DAP3: variants seen among roughly 807,000 people sequenced by gnomAD.
The protein encoded by DAP3 is small ribosomal subunit protein mS29.
DAP3 carries 28 observed loss-of-function variants against 51.9 expected under a neutral mutation model. The ratio of observed to expected loss-of-function variants is 0.54; its 90% CI spans 0.40 to 0.74. The LOEUF is 0.74. DAP3 is among the 30% of genes least tolerant of loss of function. DAP3 has a pLI of 0.00. For synonymous variants in DAP3, 170 were observed against 170.3 expected, an observed-to-expected ratio of 1.00 and a Z score of 0.01; for missense variants, 458 against 483.5, an observed-to-expected ratio of 0.95 and a Z score of 0.49.
At chr1:155,709,933 A>C in intron 2 of DAP3, 109 bp downstream of exon 2, 1 of 972,036 alleles carries the variant, frequency 1.0e-6, no homozygotes, top group Non-Finnish European at 1.6e-6. Flanking sequence ...GGAAAACTTC[A>C]TATGTAACAG....
At chr1:155,700,490 G>C (rs1048910405) in intron 1 of DAP3, among the ~76,000 whole-genome samples, 1 of 147,740 alleles carries the variant, frequency 6.8e-6, no homozygotes, top group African/African-American at 2.6e-5. Flanking sequence ...TTTCTCTGTA[G>C]AAAATTAGAA....
chr1:155,688,730 C>T (rs1653143442), upstream of DAP3: 7 of 1,518,770 alleles, frequency 4.6e-6, no homozygotes, highest in Non-Finnish European at 6.1e-6. Flanking sequence ...CCCGCACGGC[C>T]ACCAACCGCC....
chr1:155,726,156 C>A (rs1265482468), intron 6 of DAP3, 137 bp downstream of exon 6: 3 of 720,882 alleles, frequency 4.2e-6, no homozygotes, highest in Non-Finnish European at 6.5e-6. Flanking sequence ...TCTTGTCGGC[C>A]AGTCTGGAGT....
chr1:155,722,361 T>G (rs1047346609), intron 4 of DAP3, among the ~76,000 whole-genome samples: 14 of 151,964 alleles, frequency 9.2e-5, no homozygotes, highest in African/African-American at 3.4e-4. Context: ...GAGCCATGAT[T>G]GCACCACTGT....
intron 4 of DAP3, among the ~76,000 whole-genome samples, chr1:155,723,474 G>A (rs1571531654): frequency 6.6e-6 from 1 of 152,086 alleles, no homozygotes; most frequent in South Asian, 2.1e-4. Flanking sequence ...GATTACAGGT[G>A]CTCGCCACCA....
chr1:155,711,172 A>G (rs1012155621), intron 2 of DAP3, among the ~76,000 whole-genome samples: 1 of 152,114 alleles, frequency 6.6e-6, no homozygotes, highest in Non-Finnish European at 1.5e-5. Flanking sequence ...TCTGGACTCA[A>G]CTGATCATAT....
intron 1 of DAP3, among the ~76,000 whole-genome samples, chr1:155,693,813 T>C (rs1234822662): frequency 7.1e-6 from 1 of 141,018 alleles, no homozygotes; most frequent in Non-Finnish European, 1.5e-5. Flanking sequence ...AATACAAAAT[T>C]AGCAGGGTGT....
At chr1:155,737,194 C>G in intron 12 of DAP3, 131 bp downstream of exon 12, 1 of 712,334 alleles carries the variant, frequency 1.4e-6, no homozygotes, top group Non-Finnish European at 2.4e-6. Context: ...TGACTTCTTT[C>G]TGGCTGATAA....
Position 155,738,329 on chromosome 1 carries a change from A to G in DAP3, c.*87A>G, listed in dbSNP as rs948809907. On this transcript the variant is annotated 3_prime_UTR_variant, in exon 13 of 13. Coordinates refer to ENST00000368336, the MANE Select transcript of DAP3 (RefSeq NM_004632.4). ...TGAGGAAGTCGGGCAGTACACAGGA[A>G]GAGGAGCCAGGCCCTTGTACCTATG... 3 of 1,434,982 alleles carry G rather than the reference A, an allele frequency of 2.1e-6. No individual in the cohort carries two copies. In the African/African-American group the frequency reaches 4.2e-5, roughly 20 times the overall value. 88.9% of individuals were successfully genotyped at this position (1,434,982 alleles called of 1,614,324 possible).
intron 3 of DAP3, 53 bp from the exon 4 acceptor site, chr1:155,721,464 A>G: frequency 6.5e-7 from 1 of 1,541,906 alleles, no homozygotes; most frequent in Non-Finnish European, 9.0e-7. Flanking sequence ...GACAAAAAAG[A>G]AAGTCTTGGT....
chr1:155,688,517 G>A, upstream of DAP3: 3 of 1,545,602 alleles, frequency 1.9e-6, no homozygotes, highest in Non-Finnish European at 8.7e-7. Context: ...CTCGTCGCTG[G>A]CTGCTCCCAC....
At chr1:155,699,288 A>G (rs1358891650) in intron 1 of DAP3, among the ~76,000 whole-genome samples, 1 of 152,148 alleles carries the variant, frequency 6.6e-6, no homozygotes, top group East Asian at 1.9e-4. Context: ...AGCTGGTGGG[A>G]GTGGGCTTAA....
intron 1 of DAP3, among the ~76,000 whole-genome samples, chr1:155,694,197 G>T (rs371275011): frequency 7.1e-6 from 1 of 141,180 alleles, no homozygotes; most frequent in Non-Finnish European, 1.5e-5. Context: ...TTAGGCAACC[G>T]ACAGCTGGCC....
At chr1:155,730,465 A>C (rs1345194330) in intron 9 of DAP3, among the ~76,000 whole-genome samples, 1 of 151,972 alleles carries the variant, frequency 6.6e-6, no homozygotes, top group East Asian at 1.9e-4. Context: ...ATAAAAAACT[A>C]GCTGGGCATG....
intron 1 of DAP3, among the ~76,000 whole-genome samples, chr1:155,709,329 A>G (rs1400535034): frequency 6.6e-6 from 1 of 152,032 alleles, no homozygotes; most frequent in African/African-American, 2.4e-5. Context: ...TATTTTTTGT[A>G]AAGACAGGGT....
chr1:155,688,583 G>C (rs1172053436), upstream of DAP3: 19 of 1,536,526 alleles, frequency 1.2e-5, no homozygotes, highest in Non-Finnish European at 1.6e-5. Context: ...GCTCACCCAC[G>C]GGAACCTCCT....
intron 2 of DAP3, among the ~76,000 whole-genome samples, chr1:155,714,029 A>G (rs1048647295): frequency 6.6e-6 from 1 of 152,184 alleles, no homozygotes; most frequent in African/African-American, 2.4e-5. Context: ...TTGAGGCTTG[A>G]TGAATGGGAA....
At chr1:155,708,339 A>AAG (rs1656244936) in intron 1 of DAP3, among the ~76,000 whole-genome samples, 1 of 151,892 alleles carries the variant, frequency 6.6e-6, no homozygotes, top group African/African-American at 2.4e-5. Flanking sequence ...TTGAGCCACC[A>AAG]CACTTTCAAC....
chr1:155,727,979 C>A (rs964908650), intron 7 of DAP3, among the ~76,000 whole-genome samples: 1 of 151,872 alleles, frequency 6.6e-6, no homozygotes, highest in Non-Finnish European at 1.5e-5. Context: ...CCAGTTGATT[C>A]ATTGACTTTT....
Sources: gnomAD v4.1 joint callset for allele counts (sites outside exome capture counted in the v4.1 genomes callset) on GRCh38, gnomAD v4.1.1 for gene constraint, MANE v1.5 for transcripts, NCBI Gene and HGNC (gene_info 2026-07-23, HGNC 2026-07-21) for gene names.